Variants in GOT2 observed in about 807,000 individuals in gnomAD.
GOT2 encodes aspartate aminotransferase, mitochondrial.
In GOT2, 17 loss-of-function variants were observed where a neutral mutation model predicts 50.0. The observed-to-expected ratio is 0.34, with a 90% confidence interval of 0.23 to 0.51. GOT2 has a LOEUF of 0.51. Among genes scored for constraint, GOT2 ranks in the 20% least tolerant of loss-of-function variants. The pLI is 0.97. For missense variants in GOT2, 430 were observed against 559.6 expected, an observed-to-expected ratio of 0.77 and a Z score of 2.34; for synonymous variants, 172 against 204.9, an observed-to-expected ratio of 0.84 and a Z score of 1.37.
intron 8 of GOT2, among the ~76,000 whole-genome samples, chr16:58,713,178 T>C (rs1458531099): frequency 6.6e-6 from 1 of 151,716 alleles, no homozygotes; most frequent in African/African-American, 2.4e-5. Context: ...AAACAATGGG[T>C]AAGGGAAAAA....
Position 58,723,835 on chromosome 16 carries a change from T to A in GOT2, c.157A>T (p.Arg53Trp), listed in dbSNP as rs147242485. 148 of 1,613,212 alleles carry A rather than the reference T, an allele frequency of 9.2e-5. No homozygotes were observed. The highest frequency in any genetic ancestry group is 1.2e-4 in the Non-Finnish European group (139 of 1,179,292). ...PILGVTEAFK[R>W]DTNSKKMNLG... is the part of the protein sequence containing the mutation. ...TTCATCTTTTTGCTATTGGTGTCCC[T>A]CTTAAAGGCTTCAGTGACTCCCAGA... Residue 53 changes from arginine to tryptophan, a missense_variant, in exon 2 of 10, where the codon AGG becomes TGG. Arg to Trp is a moderately radical substitution (Grantham distance 101). Coordinates refer to ENST00000245206, the MANE Select transcript of GOT2 (RefSeq NM_002080.4).
chr16:58,722,073 C>T (rs2044745460), intron 3 of GOT2, 77 bp downstream of exon 3: 2 of 1,539,614 alleles, frequency 1.3e-6, no homozygotes, highest in Admixed American at 1.7e-5. Context: ...AGCCATCGCG[C>T]CTGGCCTAAA....
At chr16:58,719,618 G>T (rs1019866464) in intron 3 of GOT2, among the ~76,000 whole-genome samples, 2 of 152,072 alleles carry the variant, frequency 1.3e-5, no homozygotes, top group Non-Finnish European at 2.9e-5. Flanking sequence ...AGCTGGGCAT[G>T]GTGGCGCATG....
At chr16:58,715,969 G>C in intron 8 of GOT2, 45 bp downstream of exon 8, 1 of 1,475,222 alleles carries the variant, frequency 6.8e-7, no homozygotes, top group Non-Finnish European at 9.3e-7. Flanking sequence ...TGAAGGAGCA[G>C]TGGTGGGAAC....
intron 7 of GOT2, 114 bp downstream of exon 7, chr16:58,716,549 G>T: frequency 1.2e-6 from 1 of 809,740 alleles, no homozygotes; most frequent in Non-Finnish European, 1.9e-6. Context: ...GAGGGACATG[G>T]ACATGGATGG....
At chr16:58,716,847 T>C (rs1393170361) in intron 6 of GOT2, 34 bp from the exon 7 acceptor site, 1 of 1,609,524 alleles carries the variant, frequency 6.2e-7, no homozygotes, top group East Asian at 2.2e-5. Context: ...GCTTTAGCAG[T>C]CTTTCTGAAG....
chr16:58,712,594 C>T (rs939755522), intron 8 of GOT2, among the ~76,000 whole-genome samples: 3 of 152,292 alleles, frequency 2.0e-5, no homozygotes, highest in Middle Eastern at 3.4e-3. Context: ...ATTATAACCA[C>T]CCTGAGGGTA....
At chr16:58,719,319 CCA>C in intron 3 of GOT2, 64 bp from the exon 4 acceptor site, 2 of 1,118,918 alleles carry the variant, frequency 1.8e-6, no homozygotes, top group Non-Finnish European at 1.4e-6. Context: ...AGACCCAGGG[CCA>C]CTGCTTTGTC....
chr16:58,732,337 C>T lies in GOT2; in HGVS notation c.89+1803G>A, dbSNP rs972784518. On this transcript the variant is annotated intron_variant, in intron 1 of 9. Coordinates refer to ENST00000245206, the MANE Select transcript of GOT2 (RefSeq NM_002080.4). ...AAAAAAAAGGGAATTTTTTTTGGTA[C>T]ATATTTTGCAGCACTGTGGTTCCCC... Among the ~76,000 whole-genome samples the T allele has an allele frequency of 2.0e-5, 3 of 151,782 alleles. No individual in the cohort carries two copies. The South Asian group carries it at 6.2e-4, about 31-fold the overall frequency.
intron 8 of GOT2, among the ~76,000 whole-genome samples, chr16:58,714,743 C>A (rs927155951): frequency 1.3e-5 from 2 of 151,716 alleles, no homozygotes; most frequent in African/African-American, 4.8e-5. Context: ...ACAAAAAACT[C>A]GAGTAAAGCA....
chr16:58,724,221 T>C (rs1028331759), intron 1 of GOT2, among the ~76,000 whole-genome samples: 23 of 152,050 alleles, frequency 1.5e-4, no homozygotes, highest in African/African-American at 5.6e-4. Context: ...ATTACTCTTA[T>C]ATATTTAAAA....
intron 8 of GOT2, 52 bp from the exon 9 acceptor site, chr16:58,709,619 T>C (rs374729073): frequency 6.6e-7 from 1 of 1,525,994 alleles, no homozygotes; most frequent in Admixed American, 1.7e-5. Context: ...CTGACCGATA[T>C]GCTGGAGTTC....
intron 8 of GOT2, among the ~76,000 whole-genome samples, chr16:58,711,120 A>C (rs1425579400): frequency 6.6e-6 from 1 of 152,116 alleles, no homozygotes; most frequent in Non-Finnish European, 1.5e-5. Flanking sequence ...GAGACAATGT[A>C]CTATGAATCT....
intron 8 of GOT2, among the ~76,000 whole-genome samples, chr16:58,715,631 C>T (rs1274006813): frequency 2.0e-5 from 3 of 152,228 alleles, no homozygotes; most frequent in Admixed American, 2.0e-4. Context: ...CGGCTCACTG[C>T]AGCCTTCGCC....
chr16:58,708,327 C>T (rs777060905), intron 9 of GOT2, 34 bp from the exon 10 acceptor site: 34 of 1,607,950 alleles, frequency 2.1e-5, no homozygotes, highest in African/African-American at 4.0e-5. Context: ...TACCTCTTCC[C>T]GGTACAGGGG....
chr16:58,726,255 G>A (rs527561016), intron 1 of GOT2, among the ~76,000 whole-genome samples: 1 of 152,058 alleles, frequency 6.6e-6, no homozygotes, highest in Non-Finnish European at 1.5e-5. Flanking sequence ...GTGCGATCTC[G>A]GCTCACTGCA....
At position 58,707,975 on chromosome 16, in the gene GOT2, G is replaced by A. The variant is rs966145356; in HGVS notation, c.*196C>T. 12 of 410,824 alleles carry A rather than the reference G, an allele frequency of 2.9e-5. No homozygotes were observed. Among genetic ancestry groups the A allele is most frequent in the South Asian group, 1.6e-4 (2 of 12,354 alleles). The allele number at this position is 410,824 out of a possible 1,614,324, so 25.4% of individuals were successfully genotyped here. ...GAGAGTTTGGTTTAATATTCCAGAC[G>A]CCAGCCATGGATGCCTCTGCCCTGT... On this transcript the variant is annotated 3_prime_UTR_variant, in exon 10 of 10. Transcript: ENST00000245206.
At position 58,707,995 on chromosome 16, in the gene GOT2, C is replaced by T. The variant is rs376076671; in HGVS notation, c.*176G>A. The T allele has an allele frequency of 3.6e-6, 2 of 563,324 alleles. No individual in the cohort carries two copies. The highest frequency in any genetic ancestry group is 3.3e-5 in the East Asian group (1 of 30,128). 34.9% of individuals were successfully genotyped at this position (563,324 alleles called of 1,614,324 possible). ...CAGACGCCAGCCATGGATGCCTCTG[C>T]CCTGTGTCACTACATGTTCTTTTCT... is the stretch of plus-strand genomic sequence containing the variant. On this transcript the variant is annotated 3_prime_UTR_variant, in exon 10 of 10. Coordinates refer to ENST00000245206, the MANE Select transcript of GOT2 (RefSeq NM_002080.4).
chr16:58,728,979 ACCC>A (rs1447277757), intron 1 of GOT2, among the ~76,000 whole-genome samples: 1 of 151,950 alleles, frequency 6.6e-6, no homozygotes, highest in Non-Finnish European at 1.5e-5. Context: ...GAGCTACCGC[ACCC>A]GGCCCTTTTC....
Sources: allele counts gnomAD v4.1 joint callset (sites outside exome capture counted in the v4.1 genomes callset), GRCh38; gene constraint gnomAD v4.1.1; transcripts MANE v1.5; gene names NCBI Gene and HGNC (gene_info 2026-07-23, HGNC 2026-07-21).